The following MROH1 variants were observed in gnomAD, a reference collection of about 807,000 sequenced individuals.
The protein encoded by MROH1 is maestro heat-like repeat-containing protein family member 1.
In MROH1, 117 loss-of-function variants were observed where a neutral mutation model predicts 116.5. The observed-to-expected ratio is 1.00, with a 90% CI of 0.86 to 1.17. The LOEUF (loss-of-function observed/expected upper bound fraction) is 1.17. Ranked by LOEUF, MROH1 falls within the 50% of genes most tolerant of loss-of-function variation. MROH1 has a pLI of 0.00. For synonymous variants in MROH1, 921 were observed against 583.9 expected (o/e 1.58, Z -8.32); for missense variants, 1,873 against 1,338.5 (o/e 1.40, Z -6.23).
chr8:144,180,183 G>C lies in MROH1; in HGVS notation c.306G>C (p.Leu102=). 1 of 1,613,908 alleles carries C rather than the reference G, an allele frequency of 6.2e-7. No homozygotes were observed. Residue 102 remains leucine (L), a synonymous_variant, in exon 6 of 44, where the codon CTG becomes CTC. Transcript: ENST00000326134. This position sits in a 1 kb window ranked among gnomAD's most constrained non-coding sequence, Gnocchi z 7.4. ...TGCCGGTGTTTTGGGTTCAGGACCT[G>C]GTCTGGGACTGGCAGCAGGCGGCGA... The part of the protein sequence containing the change: ...ASSEMTKTKD[L]VWDWQQAASG...
chr8:144,168,884 G>A (rs1021218614), intron 4 of MROH1, among the ~76,000 whole-genome samples: 1 of 152,226 alleles, frequency 6.6e-6, no homozygotes, highest in Non-Finnish European at 1.5e-5. Flanking sequence ...CACCCTCAGG[G>A]AGGGGCTGCC....
chr8:144,174,336 C>T (rs1349610374), intron 4 of MROH1, among the ~76,000 whole-genome samples: 1 of 151,956 alleles, frequency 6.6e-6, no homozygotes, highest in East Asian at 1.9e-4. Flanking sequence ...GGGACCCACC[C>T]CTCTCTACCT....
intron 12 of MROH1, among the ~76,000 whole-genome samples, chr8:144,208,884 C>T (rs934511239): frequency 5.3e-5 from 8 of 151,874 alleles, no homozygotes; most frequent in African/African-American, 9.7e-5. Flanking sequence ...CCACCACATC[C>T]GGCTAATTTT....
chr8:144,198,029 A>T (rs1212596201), intron 10 of MROH1, among the ~76,000 whole-genome samples: 2 of 147,814 alleles, frequency 1.4e-5, no homozygotes, highest in Non-Finnish European at 3.0e-5. Flanking sequence ...AGCCTGGGCA[A>T]CAAGAGCAAA....
intron 14 of MROH1, among the ~76,000 whole-genome samples, chr8:144,234,893 T>TTC (rs112538426): frequency 7.9e-5 from 11 of 138,742 alleles, no homozygotes; most frequent in South Asian, 2.2e-4. Flanking sequence ...TTTTCTTTCT[T>TTC]TTTTTTTTTT....
Position 144,258,900 on chromosome 8 carries a change from C to G in MROH1, c.3915C>G (p.Ala1305=). The change falls in exon 36 of 44, where the codon GCC becomes GCG. Residue 1305 remains alanine (A), a synonymous_variant. Coordinates refer to ENST00000326134, the MANE Select transcript of MROH1 (RefSeq NM_032450.3). The part of the protein sequence containing the change: ...LRTSAGHEEG[A]TRLARAMAEH... ...CCTCGGCGGGGCATGAGGAGGGGGC[C>G]ACCAGGTTGGCCAGGTGAGCGGGCC... 1 of 757,044 alleles carries G rather than the reference C, an allele frequency of 1.3e-6. No individual in the cohort carries two copies. The highest frequency in any genetic ancestry group is 1.4e-5 in the South Asian group (1 of 71,152). 46.9% of individuals were successfully genotyped at this position (757,044 alleles called of 1,614,324 possible). A position where few individuals can be genotyped will look rare whatever the true frequency, so the allele number is the denominator to read the frequency against.
intron 33 of MROH1, chr8:144,251,706 T>G (rs1409218964): frequency 6.6e-6 from 1 of 152,352 alleles, no homozygotes; most frequent in African/African-American, 2.4e-5. Context: ...TGTTTTCGTT[T>G]TCCGTGGAGG....
intron 4 of MROH1, among the ~76,000 whole-genome samples, chr8:144,174,541 C>T (rs554651213): frequency 1.0e-4 from 15 of 149,350 alleles, no homozygotes; most frequent in African/African-American, 3.0e-4. Context: ...TGGAGTGCAG[C>T]GGTGCAATTT....
At chr8:144,150,406 C>G (rs1816424411) in intron 1 of MROH1, among the ~76,000 whole-genome samples, 1 of 152,098 alleles carries the variant, frequency 6.6e-6, no homozygotes, top group African/African-American at 2.4e-5. Flanking sequence ...TCTGACATCC[C>G]CATTATATAC....
At chr8:144,192,852 C>T in intron 10 of MROH1, 1 of 333,160 alleles carries the variant, frequency 3.0e-6, no homozygotes, top group Non-Finnish European at 5.8e-6. Context: ...GCAGCTGGGA[C>T]CCCTCCCCAG....
chr8:144,148,171 G>T (rs2130302153), intron 1 of MROH1, 95 bp downstream of exon 1: 1 of 152,548 alleles, frequency 6.6e-6, no homozygotes. Context: ...CCCTTGGCGG[G>T]GCCGCGGAGG....
At position 144,230,802 on chromosome 8, in the gene MROH1, CTTTTTTTTTTT is replaced by C. The variant is rs1161687289; in HGVS notation, c.1338+7586_1338+7596del. ...GGATTTTTCTTCACTAAAAGGTTTTCTTTTTTTTTTTTTTTTTTTTTTTTAATTGATCATTC... is the reference window on the plus strand; with the variant it reads ...GGATTTTTCTTCACTAAAAGGTTTTCTTTTTTTTTTTTTAATTGATCATTC... On this transcript the variant is annotated intron_variant, in intron 14 of 43. Coordinates refer to ENST00000326134, the MANE Select transcript of MROH1 (RefSeq NM_032450.3). Among the ~76,000 whole-genome samples the C allele has an allele frequency of 1.5e-3, 102 of 68,624 alleles. 2 individuals are homozygous for C. Among genetic ancestry groups the C allele is most frequent in the East Asian group, 4.6e-4 (1 of 2,178 alleles). 45.0% of individuals were successfully genotyped at this position (68,624 alleles called of 152,430 possible).
At chr8:144,242,320 G>C in intron 22 of MROH1, 49 bp from the exon 23 acceptor site, 1 of 780,342 alleles carries the variant, frequency 1.3e-6, no homozygotes, top group Non-Finnish European at 2.4e-6. Context: ...TTCCCGTCGG[G>C]GAGTGTAATT....
intron 4 of MROH1, among the ~76,000 whole-genome samples, chr8:144,173,760 C>A (rs537162658): frequency 6.6e-6 from 1 of 152,178 alleles, no homozygotes; most frequent in African/African-American, 2.4e-5. Flanking sequence ...CAAGCCCTAG[C>A]GATGCCCCAC....
intron 15 of MROH1, 41 bp from the exon 16 acceptor site, chr8:144,238,994 G>A (rs945053258): frequency 1.3e-4 from 103 of 774,468 alleles, no homozygotes; most frequent in East Asian, 4.8e-5. Context: ...GCATGGGACC[G>A]CCCTCTGGGC....
intron 7 of MROH1, among the ~76,000 whole-genome samples, chr8:144,189,591 C>A (rs1828051507): frequency 6.6e-6 from 1 of 152,088 alleles, no homozygotes; most frequent in Admixed American, 6.5e-5. Context: ...CCCAGCTCTG[C>A]CCTCAGGGTC....
rs1347612785 is a variant in MROH1 at position 144,179,585 on chromosome 8, A to G, written c.299A>G (p.Lys100Arg). The G allele has an allele frequency of 6.2e-7, 1 of 1,607,468 alleles. No homozygotes were observed. The highest frequency in any genetic ancestry group is 2.2e-5 in the East Asian group (1 of 44,572). ...GCCTCCAGCGAGATGACCAAGACGA[A>G]GGTATTCAGCAGGCCCTCTGGCCTC... ...LLASSEMTKT[K>R]DLVWDWQQAA... Residue 100 changes from lysine to arginine, a missense_variant and splice_region_variant, in exon 5 of 44, where the codon AAG becomes AGG. Physicochemically the swap from Lys to Arg is conservative, Grantham distance 26. Coordinates refer to ENST00000326134, the MANE Select transcript of MROH1 (RefSeq NM_032450.3).
chr8:144,238,730 C>A, intron 14 of MROH1, 26 bp from the exon 15 acceptor site: 2 of 768,056 alleles, frequency 2.6e-6, no homozygotes, highest in Non-Finnish European at 4.8e-6. Context: ...CGCCCACGCA[C>A]GCCTTTGCCT....
intron 12 of MROH1, chr8:144,201,065 ATTTTTTT>A (rs543513553): frequency 6.9e-6 from 1 of 145,466 alleles, no homozygotes; most frequent in Non-Finnish European, 1.5e-5. Flanking sequence ...TTTAAGGCTA[ATTTTTTT>A]TTTTTTTAGT....
Sources: allele counts gnomAD v4.1 joint callset (sites outside exome capture counted in the v4.1 genomes callset), GRCh38; gene constraint gnomAD v4.1.1; non-coding constraint Gnocchi (gnomAD v3.1); transcripts MANE v1.5; gene names NCBI Gene and HGNC (gene_info 2026-07-23, HGNC 2026-07-21).